CTNNA2: variants seen among roughly 807,000 people sequenced by gnomAD.
The protein encoded by CTNNA2 is catenin alpha-2.
In CTNNA2, 42 loss-of-function variants were observed where a neutral mutation model predicts 101.0. The ratio of observed to expected loss-of-function variants is 0.42; its 90% confidence interval spans 0.32 to 0.54. The LOEUF is 0.54. CTNNA2 is among the 20% of genes least tolerant of loss of function. The probability of loss-of-function intolerance (pLI) is 0.14; values close to 1 mark genes in which losing one functional copy is unlikely to be tolerated. For missense variants in CTNNA2, 871 were observed against 1,223.1 expected (o/e 0.71, Z 4.29); for synonymous variants, 450 against 456.4 (o/e 0.99, Z 0.18).
At chr2:80,393,008 C>T (rs1041940334) in intron 7 of CTNNA2, among the ~76,000 whole-genome samples, 8 of 152,084 alleles carry the variant, frequency 5.3e-5, no homozygotes, top group African/African-American at 1.2e-4. Flanking sequence ...ATCCTGAGAA[C>T]GTATTGGTCT....
chr2:79,940,852 G>C (rs1427408288), intron 7 of CTNNA2, among the ~76,000 whole-genome samples: 1 of 152,148 alleles, frequency 6.6e-6, no homozygotes, highest in Non-Finnish European at 1.5e-5. Context: ...CGCATGAAAA[G>C]AGAAACAGAA....
intron 9 of CTNNA2, among the ~76,000 whole-genome samples, chr2:80,444,343 A>G (rs1559115399): frequency 6.6e-6 from 1 of 152,318 alleles, no homozygotes; most frequent in East Asian, 1.9e-4. Flanking sequence ...TATTAGAACA[A>G]TGGTGGGAAT....
At chr2:79,314,430 A>G (rs754901725) in intron 3 of CTNNA2, among the ~76,000 whole-genome samples, 5 of 152,208 alleles carry the variant, frequency 3.3e-5, no homozygotes, top group Non-Finnish European at 5.9e-5. Flanking sequence ...CAGGAAGAAT[A>G]TGCGTGGGCC....
intron 7 of CTNNA2, among the ~76,000 whole-genome samples, chr2:80,245,462 A>G (rs1458824063): frequency 1.3e-5 from 2 of 152,342 alleles, no homozygotes; most frequent in South Asian, 4.1e-4. Context: ...GATCACATTC[A>G]CAACGAGTCT....
intron 7 of CTNNA2, among the ~76,000 whole-genome samples, chr2:80,333,867 C>T (rs1253160943): frequency 6.6e-6 from 1 of 152,190 alleles, no homozygotes; most frequent in African/African-American, 2.4e-5. Context: ...AAGTGATCCG[C>T]CTGTCTCAGC....
At chr2:80,501,120 C>T (rs972549126) in intron 9 of CTNNA2, among the ~76,000 whole-genome samples, 1 of 152,124 alleles carries the variant, frequency 6.6e-6, no homozygotes, top group African/African-American at 2.4e-5. Flanking sequence ...TGAATAGGTC[C>T]AAAGATTGCA....
intron 4 of CTNNA2, among the ~76,000 whole-genome samples, chr2:79,445,931 T>G (rs1562889): frequency 0.7 from 106,103 of 152,034 alleles, 38,110 homozygotes; most frequent in African/African-American, 0.88. Context: ...TCAAATAATT[T>G]TTTATTTATA....
At chr2:80,598,210 A>C (rs1384038642) in intron 15 of CTNNA2, among the ~76,000 whole-genome samples, 1 of 152,130 alleles carries the variant, frequency 6.6e-6, no homozygotes, top group Non-Finnish European at 1.5e-5. Flanking sequence ...AAAGGAACAA[A>C]AAAACACCAC....
At chr2:79,409,831 T>G (rs1678387495) in intron 4 of CTNNA2, among the ~76,000 whole-genome samples, 1 of 151,228 alleles carries the variant, frequency 6.6e-6, no homozygotes, top group Non-Finnish European at 1.5e-5. Context: ...TTTCCAATTC[T>G]GTGAAGAAAG....
intron 14 of CTNNA2, 115 bp downstream of exon 14, chr2:80,581,934 A>G: frequency 1.5e-6 from 1 of 653,990 alleles, no homozygotes; most frequent in Non-Finnish European, 2.8e-6. Flanking sequence ...TGGGTCAGAA[A>G]TCTGTGCTCT....
chr2:80,070,830 G>C (rs974929401), intron 7 of CTNNA2, among the ~76,000 whole-genome samples: 1 of 151,990 alleles, frequency 6.6e-6, no homozygotes, highest in South Asian at 2.1e-4. Flanking sequence ...TCTTCTTCCA[G>C]CTGCTGGTGG....
intron 3 of CTNNA2, among the ~76,000 whole-genome samples, chr2:79,749,567 A>G (rs1330567106): frequency 6.6e-6 from 1 of 152,136 alleles, no homozygotes; most frequent in African/African-American, 2.4e-5. Context: ...AGATTTATGT[A>G]TTTCTTTCTT....
chr2:79,323,467 T>C (rs1356432987), intron 3 of CTNNA2, among the ~76,000 whole-genome samples: 1 of 147,954 alleles, frequency 6.8e-6, no homozygotes, highest in African/African-American at 2.5e-5. Context: ...GTAAATAAGG[T>C]GCATAGCTAG....
At chr2:80,263,469 G>T (rs1331394752) in intron 7 of CTNNA2, among the ~76,000 whole-genome samples, 1 of 152,096 alleles carries the variant, frequency 6.6e-6, no homozygotes, top group Admixed American at 6.5e-5. Flanking sequence ...CGAGTAGATG[G>T]GATTACAGGC....
chr2:79,900,719 A>C (rs1685015222), intron 6 of CTNNA2, among the ~76,000 whole-genome samples: 1 of 152,202 alleles, frequency 6.6e-6, no homozygotes, highest in Admixed American at 6.5e-5. Flanking sequence ...GACAAGGCAA[A>C]CCACAAAATT....
chr2:79,933,579 C>G (rs923213708), intron 7 of CTNNA2, among the ~76,000 whole-genome samples: 4 of 151,962 alleles, frequency 2.6e-5, no homozygotes, highest in African/African-American at 9.7e-5. Context: ...CTCAGCCTCC[C>G]TAGTAGCCAG....
At chr2:80,412,562 A>G (rs1679680741) in intron 8 of CTNNA2, among the ~76,000 whole-genome samples, 1 of 152,176 alleles carries the variant, frequency 6.6e-6, no homozygotes, top group South Asian at 2.1e-4. Context: ...CCACTTCACC[A>G]AAAGGTGATT....
chr2:80,646,188 AAC>A (rs1191913502), intron 18 of CTNNA2, among the ~76,000 whole-genome samples: 1 of 152,112 alleles, frequency 6.6e-6, no homozygotes, highest in Non-Finnish European at 1.5e-5. Flanking sequence ...TCTCAGTTTA[AAC>A]ACTTTCTTAG....
intron 2 of CTNNA2, among the ~76,000 whole-genome samples, chr2:79,206,804 T>G (rs1674105866): frequency 6.6e-6 from 1 of 152,188 alleles, no homozygotes; most frequent in Non-Finnish European, 1.5e-5. Context: ...TGGAGAATGA[T>G]GCCAACACAC....
Sources: allele counts gnomAD v4.1 joint callset (sites outside exome capture counted in the v4.1 genomes callset), GRCh38; gene constraint gnomAD v4.1.1; transcripts MANE v1.5; gene names NCBI Gene and HGNC (gene_info 2026-07-23, HGNC 2026-07-21).